IMMP2L: variants seen among roughly 807,000 people sequenced by gnomAD.
IMMP2L encodes mitochondrial inner membrane protease subunit 2.
Under a neutral mutation model 19.3 loss-of-function variants are expected in IMMP2L, and 18 were observed. That is an observed-to-expected ratio of 0.93 (90% CI 0.64 to 1.38). The LOEUF (loss-of-function observed/expected upper bound fraction) is 1.38. Ranked by LOEUF, IMMP2L falls within the 40% of genes most tolerant of loss-of-function variation. IMMP2L has a pLI of 0.00. For synonymous variants in IMMP2L, 76 were observed against 73.0 expected, an observed-to-expected ratio of 1.04 and a Z score of -0.21; for missense variants, 233 against 218.2, an observed-to-expected ratio of 1.07 and a Z score of -0.43.
intron 3 of IMMP2L, among the ~76,000 whole-genome samples, chr7:111,258,441 C>T (rs1445816909): frequency 2.0e-5 from 3 of 152,090 alleles, no homozygotes; most frequent in Non-Finnish European, 2.9e-5. Flanking sequence ...ATCTTCTACA[C>T]GATGGCTAAT....
intron 3 of IMMP2L, among the ~76,000 whole-genome samples, chr7:111,079,180 G>T (rs1261519515): frequency 1.3e-5 from 2 of 149,796 alleles, no homozygotes; most frequent in East Asian, 2.0e-4. Flanking sequence ...TGCAGTGGCG[G>T]GATCTCGGCT....
intron 3 of IMMP2L, chr7:111,124,575 A>G (rs1801062230): frequency 6.2e-7 from 1 of 1,613,960 alleles, no homozygotes; most frequent in Non-Finnish European, 8.5e-7. Flanking sequence ...TCTATCAGAA[A>G]AACAGAAAAA....
intron 5 of IMMP2L, among the ~76,000 whole-genome samples, chr7:110,730,277 G>T (rs1393753426): frequency 6.6e-6 from 1 of 152,090 alleles, no homozygotes; most frequent in African/African-American, 2.4e-5. Flanking sequence ...TGCCAACGTG[G>T]CTAGAATAAA....
At chr7:110,796,005 C>T (rs993422983) in intron 5 of IMMP2L, among the ~76,000 whole-genome samples, 3 of 151,972 alleles carry the variant, frequency 2.0e-5, no homozygotes, top group Non-Finnish European at 2.9e-5. Flanking sequence ...ATCATCAGGG[C>T]GGTTACTCTC....
At chr7:110,719,264 A>C (rs1432352735) in intron 5 of IMMP2L, among the ~76,000 whole-genome samples, 1 of 152,242 alleles carries the variant, frequency 6.6e-6, no homozygotes, top group Non-Finnish European at 1.5e-5. Context: ...CATCTGACAT[A>C]GGCCTTGTGG....
intron 5 of IMMP2L, among the ~76,000 whole-genome samples, chr7:110,863,750 C>A (rs1585066827): frequency 6.6e-6 from 1 of 152,178 alleles, no homozygotes; most frequent in South Asian, 2.1e-4. Context: ...GTGCTAAGTT[C>A]AATGTTTGGT....
At chr7:111,179,486 A>T (rs902376173) in intron 3 of IMMP2L, among the ~76,000 whole-genome samples, 5 of 151,918 alleles carry the variant, frequency 3.3e-5, no homozygotes, top group African/African-American at 9.7e-5. Context: ...AAAAGATTGG[A>T]CACTTCTGCT....
intron 3 of IMMP2L, among the ~76,000 whole-genome samples, chr7:111,236,034 T>C (rs1474396425): frequency 1.3e-5 from 2 of 152,112 alleles, no homozygotes; most frequent in African/African-American, 4.8e-5. Context: ...TTAAGTCTTT[T>C]TCACATCTTC....
intron 3 of IMMP2L, among the ~76,000 whole-genome samples, chr7:111,311,682 G>A (rs534603566): frequency 6.6e-6 from 1 of 152,244 alleles, no homozygotes; most frequent in East Asian, 1.9e-4. Flanking sequence ...AGGCCATGAT[G>A]TTGTATCAGG....
chr7:111,345,419 G>A (rs1025012951), intron 3 of IMMP2L, among the ~76,000 whole-genome samples: 6 of 152,156 alleles, frequency 3.9e-5, no homozygotes, highest in African/African-American at 1.2e-4. Context: ...CTGTCTCCTG[G>A]GGTTTACAGG....
At chr7:111,324,778 T>A (rs1305501293) in intron 3 of IMMP2L, among the ~76,000 whole-genome samples, 1 of 151,896 alleles carries the variant, frequency 6.6e-6, no homozygotes, top group Non-Finnish European at 1.5e-5. Context: ...ATTTTTAGTT[T>A]TTAAAAAACA....
At chr7:110,672,578 G>A (rs1048648706) in intron 5 of IMMP2L, among the ~76,000 whole-genome samples, 6 of 152,128 alleles carry the variant, frequency 3.9e-5, no homozygotes, top group African/African-American at 1.4e-4. Flanking sequence ...TTCCGCCTAT[G>A]AGCCTGTAAA....
At chr7:111,412,333 C>T (rs1834507752) in intron 3 of IMMP2L, among the ~76,000 whole-genome samples, 1 of 151,668 alleles carries the variant, frequency 6.6e-6, no homozygotes, top group African/African-American at 2.4e-5. Context: ...TTACAGAACA[C>T]TCACCCAACA....
chr7:111,521,412 G>A lies in IMMP2L; in HGVS notation c.36C>T (p.Ile12=), dbSNP rs34496107. ...CAAAGAAGCCTTTACAAAAGGCCTTGATGTATCTTTTCACCCACCCTTGTG... is the reference window on the plus strand; with the variant it reads ...CAAAGAAGCCTTTACAAAAGGCCTTAATGTATCTTTTCACCCACCCTTGTG... ...AQSQGWVKRY[I]KAFCKGFFVA... is the part of the protein sequence containing the mutation. The change falls in exon 2 of 6, where the codon ATC becomes ATT. Residue 12 remains isoleucine (I), a synonymous_variant. Transcript: ENST00000405709. 3.7e-3 allele frequency: 5,953 copies of A among 1,612,820 alleles called. 195 individuals carry two copies. In the African/African-American group the frequency reaches 0.071, roughly 19 times the overall value.
intron 3 of IMMP2L, among the ~76,000 whole-genome samples, chr7:111,024,419 T>G (rs894595702): frequency 1.5e-4 from 23 of 152,122 alleles, no homozygotes; most frequent in African/African-American, 5.6e-4. Flanking sequence ...TCCTAGGAAC[T>G]CCAAATGCCT....
intron 3 of IMMP2L, among the ~76,000 whole-genome samples, chr7:111,365,558 T>G (rs1444798050): frequency 1.3e-5 from 2 of 152,102 alleles, no homozygotes; most frequent in Non-Finnish European, 2.9e-5. Flanking sequence ...GGTGGCATCT[T>G]GACTTAATTG....
At chr7:111,008,113 T>C (rs187349217) in intron 3 of IMMP2L, among the ~76,000 whole-genome samples, 113 of 152,168 alleles carry the variant, frequency 7.4e-4, no homozygotes, top group African/African-American at 2.6e-3. Flanking sequence ...CTCCAAATGC[T>C]TTTTCCTATT....
At chr7:111,206,700 T>A (rs1810748733) in intron 3 of IMMP2L, among the ~76,000 whole-genome samples, 2 of 152,214 alleles carry the variant, frequency 1.3e-5, no homozygotes, top group African/African-American at 2.4e-5. Context: ...GAATTATTAT[T>A]AACTACAGTC....
rs116759409 is a variant in IMMP2L, at chr7:111,187,514, A to C, written c.240-223949T>G. ...ACGAGAATTCAAACCACTATATTAT[A>C]GTTAGTGTCTGGCCTTACTCATAGT... On this transcript the variant is annotated intron_variant, in intron 3 of 5. Coordinates refer to ENST00000405709, the MANE Select transcript of IMMP2L (RefSeq NM_032549.4). 6.0e-3 allele frequency among the ~76,000 whole-genome samples: 906 copies of C among 152,244 alleles called. 16 individuals are homozygous for C. Among genetic ancestry groups the C allele is most frequent in the African/African-American group, 0.021 (873 of 41,506 alleles).
Sources: allele counts gnomAD v4.1 joint callset (sites outside exome capture counted in the v4.1 genomes callset), GRCh38; gene constraint gnomAD v4.1.1; transcripts MANE v1.5; gene names NCBI Gene and HGNC (gene_info 2026-07-23, HGNC 2026-07-21).